Variants in NFIB observed in about 807,000 individuals in gnomAD.
NFIB encodes nuclear factor I B.
NFIB carries 11 observed loss-of-function variants against 61.5 expected under a neutral mutation model. The ratio of observed to expected loss-of-function variants is 0.18; its 90% CI spans 0.11 to 0.30. NFIB has a LOEUF of 0.30. Ranked by LOEUF, NFIB falls within the 10% of genes least tolerant of loss-of-function variation. The probability of loss-of-function intolerance (pLI) is 1.00; values close to 1 mark genes in which losing one functional copy is unlikely to be tolerated. For missense variants in NFIB, 471 were observed against 608.9 expected, an observed-to-expected ratio of 0.77 and a Z score of 2.38; for synonymous variants, 260 against 216.5, an observed-to-expected ratio of 1.20 and a Z score of -1.76.
At chr9:14,425,943 G>A in the NFIB span, among the ~76,000 whole-genome samples, 2 of 152,126 alleles carry the variant, frequency 1.3e-5, no homozygotes, top group African/African-American at 2.4e-5. Context: ...GAAGAAAAAC[G>A]AGTCTTCCTT....
chr9:14,267,083 T>C (rs942204322), intron 2 of NFIB, among the ~76,000 whole-genome samples: 7 of 152,118 alleles, frequency 4.6e-5, no homozygotes, highest in Admixed American at 2.6e-4. Flanking sequence ...GTTCTCATCA[T>C]AAGATGAAAA....
At chr9:14,241,791 T>TA in intron 2 of NFIB, among the ~76,000 whole-genome samples, 1 of 152,194 alleles carries the variant, frequency 6.6e-6, no homozygotes, top group East Asian at 1.9e-4. Context: ...AAATATATTT[T>TA]AAATTAAATC....
At chr9:14,498,507 A>C in the NFIB span, among the ~76,000 whole-genome samples, 1 of 152,198 alleles carries the variant, frequency 6.6e-6, no homozygotes, top group Non-Finnish European at 1.5e-5. Context: ...CGATGGACAA[A>C]ATAGGACAAA....
At chr9:14,476,664 C>T in the NFIB span, among the ~76,000 whole-genome samples, 1 of 152,094 alleles carries the variant, frequency 6.6e-6, no homozygotes, top group African/African-American at 2.4e-5. Context: ...GGAATTTAGT[C>T]ATCTGTACAA....
upstream of NFIB, among the ~76,000 whole-genome samples, chr9:14,315,971 T>C (rs991604803): frequency 3.3e-5 from 5 of 151,846 alleles, no homozygotes; most frequent in African/African-American, 4.8e-5. Context: ...GTTTCGAGGC[T>C]CGCCCCCGAT....
Position 14,082,697 on chromosome 9 carries a change from T to C in NFIB, c.*5612A>G. 1 of 199,160 alleles carries C rather than the reference T, an allele frequency of 5.0e-6. No individual in the cohort carries two copies. The highest frequency in any genetic ancestry group is 1.0e-5 in the Non-Finnish European group (1 of 96,886). The allele number at this position is 199,160 out of a possible 1,614,324, so 12.3% of individuals were successfully genotyped here. On this transcript the variant is annotated 3_prime_UTR_variant, in exon 11 of 11. Transcript: ENST00000380953. ...TTTTTTTTTGTTTGTTTCTTTCTTGTTTTGCATCAACTTTTATCAGTCCAT... is the reference window on the plus strand; with the variant it reads ...TTTTTTTTTGTTTGTTTCTTTCTTGCTTTGCATCAACTTTTATCAGTCCAT...
chr9:14,234,360 T>C (rs1264042211), intron 2 of NFIB, among the ~76,000 whole-genome samples: 2 of 143,432 alleles, frequency 1.4e-5, no homozygotes, highest in Admixed American at 1.4e-4. Flanking sequence ...CATGTAGGTA[T>C]ATTATCATTA....
At chr9:14,450,357 C>A in the NFIB span, among the ~76,000 whole-genome samples, 2 of 152,198 alleles carry the variant, frequency 1.3e-5, no homozygotes, top group Non-Finnish European at 2.9e-5. Context: ...ACTCTTCAAA[C>A]TGCATTGACC....
intron 7 of NFIB, among the ~76,000 whole-genome samples, chr9:14,121,277 A>C (rs1249473425): frequency 1.3e-5 from 2 of 152,166 alleles, no homozygotes; most frequent in Admixed American, 1.3e-4. Context: ...AACAAACAAA[A>C]AACATTTTGT....
intron 2 of NFIB, among the ~76,000 whole-genome samples, chr9:14,249,611 G>A (rs2055348581): frequency 6.6e-6 from 1 of 151,774 alleles, no homozygotes; most frequent in African/African-American, 2.4e-5. Context: ...GCATATCATT[G>A]TGCATTCACT....
In NFIB at chr9:14,314,048, A is replaced by T. The variant is rs2060421374; in HGVS notation, c.-537T>A. ...TGGGAAAGTTCAAGGTTACAGCCCC[A>T]AGCACTGCGGCAGGATCCCGGAGTG... On this transcript the variant is annotated 5_prime_UTR_variant, in exon 1 of 11. An upstream open reading frame in the 5' UTR gains an earlier in-frame stop. Coordinates refer to ENST00000380953, the MANE Select transcript of NFIB (RefSeq NM_001190737.2). The T allele has an allele frequency of 9.4e-7, 1 of 1,065,556 alleles. No individual in the cohort carries two copies. The highest frequency in any genetic ancestry group is 1.1e-6 in the Non-Finnish European group (1 of 880,146). The allele number at this position is 1,065,556 out of a possible 1,614,324, so 66.0% of individuals were successfully genotyped here.
chr9:14,115,130 T>G (rs1355921832), intron 9 of NFIB, among the ~76,000 whole-genome samples: 1 of 152,058 alleles, frequency 6.6e-6, no homozygotes, highest in Non-Finnish European at 1.5e-5. Context: ...GTACAAAGTA[T>G]TGTCCATTTT....
intron 2 of NFIB, among the ~76,000 whole-genome samples, chr9:14,288,581 C>T (rs778968840): frequency 9.2e-5 from 14 of 152,060 alleles, no homozygotes; most frequent in Non-Finnish European, 1.8e-4. Flanking sequence ...CCTGAGAAAA[C>T]TCTGCTTAAC....
the NFIB span, among the ~76,000 whole-genome samples, chr9:14,503,766 T>G: frequency 6.6e-6 from 1 of 152,230 alleles, no homozygotes; most frequent in Non-Finnish European, 1.5e-5. Flanking sequence ...TCTCCCCTTC[T>G]GTGGGTTGTC....
In NFIB at chr9:14,179,731, A is replaced by T; in HGVS notation, c.612T>A (p.Pro204=). ...SPSHNDPAKN[P]PGYLEDSFVK... ...TGTCCTGGAACACATATTTACCTGG[A>T]GGATTCTTGGCAGGATCATTGTGGC... The change falls in exon 3 of 11, where the codon CCT becomes CCA. Residue 204 remains proline, a synonymous_variant. Coordinates refer to ENST00000380953, the MANE Select transcript of NFIB (RefSeq NM_001190737.2). The T allele has an allele frequency of 6.2e-7, 1 of 1,613,580 alleles. No individual in the cohort carries two copies. Among genetic ancestry groups the T allele is most frequent in the Non-Finnish European group, 8.5e-7 (1 of 1,179,650 alleles).
intron 10 of NFIB, among the ~76,000 whole-genome samples, chr9:14,089,583 A>G (rs2033523253): frequency 6.6e-6 from 1 of 152,148 alleles, no homozygotes; most frequent in African/African-American, 2.4e-5. Flanking sequence ...AATAATCATG[A>G]ACCAAGAAAA....
chr9:14,500,652 C>A, the NFIB span, among the ~76,000 whole-genome samples: 1 of 152,120 alleles, frequency 6.6e-6, no homozygotes, highest in Non-Finnish European at 1.5e-5. Flanking sequence ...AGCAAACAAA[C>A]AAACAAAAAA....
chr9:14,508,214 T>C, the NFIB span, among the ~76,000 whole-genome samples: 6 of 152,090 alleles, frequency 3.9e-5, no homozygotes, highest in African/African-American at 1.4e-4. Flanking sequence ...TATGTGTAAA[T>C]ATGTATATGT....
At chr9:14,203,634 T>C (rs1250569358) in intron 2 of NFIB, among the ~76,000 whole-genome samples, 1 of 152,204 alleles carries the variant, frequency 6.6e-6, no homozygotes, top group Non-Finnish European at 1.5e-5. Flanking sequence ...GTCGCCGGCC[T>C]GGGCCCGCCT....
Sources: allele counts gnomAD v4.1 joint callset (sites outside exome capture counted in the v4.1 genomes callset), GRCh38; gene constraint gnomAD v4.1.1; transcripts MANE v1.5; gene names NCBI Gene and HGNC (gene_info 2026-07-23, HGNC 2026-07-21).